The following C16orf74 variants were observed in gnomAD, a reference collection of about 807,000 sequenced individuals.
C16orf74 encodes calcimembrin, also known as uncharacterized protein C16orf74.
In C16orf74, 10 loss-of-function variants were observed where a neutral mutation model predicts 6.5. That is an observed-to-expected ratio of 1.54 (90% CI 0.95 to 2.61). C16orf74 has a LOEUF of 2.61. Ranked by LOEUF, C16orf74 falls within the 30% of genes most tolerant of loss-of-function variation. C16orf74 has a pLI of 0.00. For missense variants in C16orf74, 141 were observed against 105.9 expected (o/e 1.33, Z -1.45); for synonymous variants, 60 against 42.5 (o/e 1.41, Z -1.60).
At chr16:85,725,027 T>G (rs1384606011) in intron 2 of C16orf74, among the ~76,000 whole-genome samples, 1 of 151,444 alleles carries the variant, frequency 6.6e-6, no homozygotes, top group Non-Finnish European at 1.5e-5. Flanking sequence ...TCGGAGGATA[T>G]CAGGTGCCGG....
chr16:85,738,142 G>A (rs1259488919), intron 1 of C16orf74, among the ~76,000 whole-genome samples: 2 of 151,772 alleles, frequency 1.3e-5, no homozygotes, highest in Non-Finnish European at 2.9e-5. Flanking sequence ...CTACTCAGGA[G>A]GCTGAGGTGG....
intron 2 of C16orf74, among the ~76,000 whole-genome samples, chr16:85,720,771 CA>C (rs57419341): frequency 0.29 from 23,742 of 81,492 alleles, 2,342 homozygotes; most frequent in Non-Finnish European, 0.35. Flanking sequence ...GATCCTGCCT[CA>C]AAAAAAAAAA....
At chr16:85,747,697 T>C (rs1433674197) in intron 1 of C16orf74, among the ~76,000 whole-genome samples, 2 of 152,204 alleles carry the variant, frequency 1.3e-5, no homozygotes, top group Non-Finnish European at 2.9e-5. Context: ...ACCAATGGCC[T>C]CAGGAGACCC....
rs1286726341 is a variant in C16orf74 at position 85,707,800 on chromosome 16, C to G, written c.*208G>C. ...AACCTGGAGGTGTCAGAGGTCCGGT[C>G]CACTCAGCGGGGCCTGGGAAACACT... is the stretch of plus-strand genomic sequence containing the variant. On this transcript the variant is annotated 3_prime_UTR_variant, in exon 4 of 4. Transcript: ENST00000284245. 13 of 578,770 alleles carry G rather than the reference C, an allele frequency of 2.2e-5. No individual in the cohort carries two copies. 35.9% of individuals were successfully genotyped at this position (578,770 alleles called of 1,614,324 possible). A position where few individuals can be genotyped will look rare whatever the true frequency, so the allele number is the denominator to read the frequency against.
At chr16:85,726,619 G>A (rs1040562994) in intron 2 of C16orf74, among the ~76,000 whole-genome samples, 1 of 152,158 alleles carries the variant, frequency 6.6e-6, no homozygotes, top group Admixed American at 6.5e-5. Flanking sequence ...CTAACTCCTG[G>A]TTCAGCGGGG....
At chr16:85,749,384 C>T (rs993970841) in intron 1 of C16orf74, among the ~76,000 whole-genome samples, 1 of 152,082 alleles carries the variant, frequency 6.6e-6, no homozygotes, top group African/African-American at 2.4e-5. Flanking sequence ...TTCTTGGGCT[C>T]AAGGAAACCT....
intron 1 of C16orf74, among the ~76,000 whole-genome samples, chr16:85,749,757 T>G (rs1441160088): frequency 1.3e-5 from 2 of 152,212 alleles, no homozygotes; most frequent in African/African-American, 2.4e-5. Context: ...TCTCCAGAGG[T>G]GACCTGCACC....
intron 1 of C16orf74, among the ~76,000 whole-genome samples, chr16:85,741,435 G>C (rs754797406): frequency 1.3e-5 from 2 of 152,164 alleles, no homozygotes; most frequent in Non-Finnish European, 2.9e-5. Context: ...CCAGAGGATG[G>C]GGGACCAGGA....
intron 2 of C16orf74, among the ~76,000 whole-genome samples, chr16:85,726,963 A>T (rs1460143185): frequency 6.6e-6 from 1 of 152,088 alleles, no homozygotes; most frequent in Non-Finnish European, 1.5e-5. Context: ...TTCCTGGGTG[A>T]TGCCACCCCT....
chr16:85,733,415 T>C (rs1209149079), intron 2 of C16orf74, among the ~76,000 whole-genome samples: 3 of 152,056 alleles, frequency 2.0e-5, no homozygotes, highest in Admixed American at 1.3e-4. Flanking sequence ...GAGTTAGTGT[T>C]TAACGGGGAC....
chr16:85,732,725 C>A (rs1281161446), intron 2 of C16orf74, among the ~76,000 whole-genome samples: 2 of 149,424 alleles, frequency 1.3e-5, no homozygotes, highest in African/African-American at 2.4e-5. Context: ...CCCCAAGTCA[C>A]CCCCATGCTT....
chr16:85,730,127 G>A (rs1234063559), intron 2 of C16orf74, among the ~76,000 whole-genome samples: 4 of 152,168 alleles, frequency 2.6e-5, no homozygotes, highest in South Asian at 4.1e-4. Context: ...AGGAGGTGGC[G>A]AGGGCTGGGG....
intron 2 of C16orf74, among the ~76,000 whole-genome samples, chr16:85,723,490 T>C (rs1330688277): frequency 1.3e-5 from 2 of 152,142 alleles, no homozygotes; most frequent in Middle Eastern, 3.4e-3. Flanking sequence ...ACCCAACAGA[T>C]TGGCAAAAAC....
intron 1 of C16orf74, among the ~76,000 whole-genome samples, chr16:85,736,026 C>A (rs972491919): frequency 1.3e-5 from 2 of 152,144 alleles, no homozygotes; most frequent in Non-Finnish European, 2.9e-5. Context: ...AGACTCGAAC[C>A]CAGGACTGTC....
intron 2 of C16orf74, among the ~76,000 whole-genome samples, chr16:85,723,562 G>C (rs1042188804): frequency 1.3e-5 from 2 of 152,204 alleles, no homozygotes; most frequent in East Asian, 1.9e-4. Context: ...AGGGGCTGCT[G>C]GTGTGACTTC....
chr16:85,745,830 C>G (rs2054367613), intron 1 of C16orf74, among the ~76,000 whole-genome samples: 1 of 152,176 alleles, frequency 6.6e-6, no homozygotes, highest in South Asian at 2.1e-4. Context: ...CTGGAGGGAC[C>G]CTGCTTTTCA....
intron 1 of C16orf74, among the ~76,000 whole-genome samples, chr16:85,745,139 T>TAAAAAAAAAAAAAAAAAAA (rs10554549): frequency 7.8e-5 from 4 of 51,010 alleles, no homozygotes; most frequent in Admixed American, 2.7e-4. Context: ...AAACTCTGTC[T>TAAAAAAAAAAAAAAAAAAA]AAAAAAAAAA....
intron 1 of C16orf74, among the ~76,000 whole-genome samples, chr16:85,749,714 C>T (rs564794774): frequency 6.6e-6 from 1 of 152,364 alleles, no homozygotes; most frequent in South Asian, 2.1e-4. Context: ...CGCTCTTCTT[C>T]AGTGTCCACT....
intron 1 of C16orf74, 55 bp from the exon 2 acceptor site, chr16:85,735,290 C>G: frequency 7.4e-7 from 1 of 1,353,408 alleles, no homozygotes; most frequent in Non-Finnish European, 1.0e-6. Context: ...TTTGTATTGG[C>G]CACGTGCAGC....
Sources: allele counts gnomAD v4.1 joint callset (sites outside exome capture counted in the v4.1 genomes callset), GRCh38; gene constraint gnomAD v4.1.1; transcripts MANE v1.5; gene names NCBI Gene and HGNC (gene_info 2026-07-23, HGNC 2026-07-21).